The following NBEA variants were observed in gnomAD, a reference collection of about 807,000 sequenced individuals.
NBEA encodes the protein lysosomal-trafficking regulator 2.
In NBEA, 44 loss-of-function variants were observed where a neutral mutation model predicts 343.4. The observed-to-expected ratio is 0.13, with a 90% confidence interval of 0.10 to 0.16. The LOEUF is 0.16. NBEA is among the 10% of genes least tolerant of loss of function. The pLI is 1.00. For missense variants in NBEA, 2,555 were observed against 3,631.3 expected (o/e 0.70, Z 7.62); for synonymous variants, 1,175 against 1,238.7 (o/e 0.95, Z 1.08).
At chr13:35,016,018 A>G (rs1182552412) in intron 1 of NBEA, among the ~76,000 whole-genome samples, 2 of 152,174 alleles carry the variant, frequency 1.3e-5, no homozygotes, top group East Asian at 3.8e-4. Flanking sequence ...TTGCATTAGA[A>G]TTGAAGCAAA....
intron 7 of NBEA, among the ~76,000 whole-genome samples, chr13:35,057,893 T>A (rs1409352621): frequency 1.3e-5 from 2 of 152,204 alleles, no homozygotes; most frequent in Non-Finnish European, 2.9e-5. Context: ...GACGACAATT[T>A]TTTTTGCCTT....
intron 38 of NBEA, among the ~76,000 whole-genome samples, chr13:35,412,598 T>C (rs1422507208): frequency 1.3e-5 from 2 of 152,162 alleles, no homozygotes; most frequent in Non-Finnish European, 2.9e-5. Flanking sequence ...GCTTGGCTCA[T>C]AGATTTGTAC....
At chr13:35,655,810 T>C in intron 55 of NBEA, 61 bp downstream of exon 55, 1 of 1,469,124 alleles carries the variant, frequency 6.8e-7, no homozygotes, top group Non-Finnish European at 9.2e-7. Context: ...TATTTTGCCT[T>C]TTTGATTTTC....
At chr13:35,341,762 C>T (rs1157700226) in intron 36 of NBEA, among the ~76,000 whole-genome samples, 1 of 152,040 alleles carries the variant, frequency 6.6e-6, no homozygotes, top group African/African-American at 2.4e-5. Flanking sequence ...TTGGAACCCT[C>T]ACACTTTGTT....
chr13:35,164,585 A>G, intron 24 of NBEA, 76 bp downstream of exon 24: 1 of 1,446,296 alleles, frequency 6.9e-7, no homozygotes, highest in Non-Finnish European at 9.4e-7. Context: ...GGTCTAGGCT[A>G]TAAACACATT....
At chr13:35,499,792 A>T (rs1330261734) in intron 41 of NBEA, among the ~76,000 whole-genome samples, 1 of 152,006 alleles carries the variant, frequency 6.6e-6, no homozygotes, top group Non-Finnish European at 1.5e-5. Flanking sequence ...ACACAATTAA[A>T]CTGTTGCGAT....
chr13:35,293,538 A>G (rs908194853), intron 35 of NBEA, among the ~76,000 whole-genome samples: 1 of 152,050 alleles, frequency 6.6e-6, no homozygotes. Context: ...AGGGAGTACA[A>G]GGTTTTCTAC....
intron 33 of NBEA, among the ~76,000 whole-genome samples, chr13:35,224,911 G>A (rs140495299): frequency 9.9e-4 from 151 of 152,196 alleles, no homozygotes; most frequent in African/African-American, 3.5e-3. Flanking sequence ...TTTTGTGAGA[G>A]GGGTTGAGTC....
intron 38 of NBEA, among the ~76,000 whole-genome samples, chr13:35,430,670 G>A (rs1442524150): frequency 6.6e-6 from 1 of 152,062 alleles, no homozygotes; most frequent in Non-Finnish European, 1.5e-5. Flanking sequence ...TATGTCTATG[G>A]TTAGAAATTT....
rs553989878 is a variant in NBEA, at chr13:35,347,749, TTTTC to T, written c.5904-1352_5904-1349del. Among the ~76,000 whole-genome samples the T allele has an allele frequency of 8.3e-3, 1,262 of 152,122 alleles. 14 individuals carry two copies. Among genetic ancestry groups the T allele is most frequent in the Non-Finnish European group, 9.7e-3 (660 of 67,986 alleles). ...TGTGGCTTAAACCAGTAATCAGTTT[TTTTC>T]TTTCTTATGATTCTCATTGCCTGGG... On this transcript the variant is annotated intron_variant, in intron 36 of 58. Transcript: ENST00000379939.
intron 6 of NBEA, among the ~76,000 whole-genome samples, chr13:35,054,863 C>T (rs927388157): frequency 2.6e-5 from 4 of 151,798 alleles, no homozygotes; most frequent in African/African-American, 9.7e-5. Context: ...AGCCTGGTCT[C>T]GAACTTCTGA....
At chr13:35,215,679 T>C (rs1426826924) in intron 33 of NBEA, among the ~76,000 whole-genome samples, 1 of 151,716 alleles carries the variant, frequency 6.6e-6, no homozygotes, top group African/African-American at 2.4e-5. Context: ...TTTAGAACTT[T>C]CTAAACTCAC....
At chr13:34,965,549 AC>A (rs1157910746) in intron 1 of NBEA, among the ~76,000 whole-genome samples, 1 of 152,014 alleles carries the variant, frequency 6.6e-6, no homozygotes, top group Non-Finnish European at 1.5e-5. Flanking sequence ...CTGAATTGGC[AC>A]AGTGTATTCT....
At chr13:35,499,602 CT>C (rs1368087150) in intron 41 of NBEA, among the ~76,000 whole-genome samples, 1 of 152,014 alleles carries the variant, frequency 6.6e-6, no homozygotes, top group Non-Finnish European at 1.5e-5. Flanking sequence ...GCACTGTTCT[CT>C]TTTTTGCCTC....
chr13:35,150,141 A>G (rs2068685350), intron 18 of NBEA, among the ~76,000 whole-genome samples: 1 of 152,216 alleles, frequency 6.6e-6, no homozygotes, highest in Admixed American at 6.5e-5. Flanking sequence ...CCTCTGACCA[A>G]TTTTAGTAAT....
intron 55 of NBEA, among the ~76,000 whole-genome samples, chr13:35,657,689 A>T (rs1434106449): frequency 6.6e-6 from 1 of 152,208 alleles, no homozygotes; most frequent in Non-Finnish European, 1.5e-5. Flanking sequence ...TTCTTTAAAA[A>T]GTTTAATTAA....
chr13:35,394,370 C>G (rs1032566595), intron 38 of NBEA, among the ~76,000 whole-genome samples: 9 of 151,952 alleles, frequency 5.9e-5, no homozygotes, highest in Non-Finnish European at 1.0e-4. Flanking sequence ...TTTTTTCCTC[C>G]CTTTTTGGTG....
chr13:35,238,373 C>T (rs967994472), intron 34 of NBEA, among the ~76,000 whole-genome samples: 1 of 152,172 alleles, frequency 6.6e-6, no homozygotes, highest in Admixed American at 6.5e-5. Context: ...CTTTGATTCG[C>T]AAAGCAACTT....
At chr13:35,587,609 A>G (rs1290108246) in intron 46 of NBEA, among the ~76,000 whole-genome samples, 1 of 152,208 alleles carries the variant, frequency 6.6e-6, no homozygotes, top group Non-Finnish European at 1.5e-5. Context: ...TTTGAAATAC[A>G]TAAAGTGGTA....
Sources: allele counts gnomAD v4.1 joint callset (sites outside exome capture counted in the v4.1 genomes callset), GRCh38; gene constraint gnomAD v4.1.1; transcripts MANE v1.5; gene names NCBI Gene and HGNC (gene_info 2026-07-23, HGNC 2026-07-21).